The following SNTB1 variants were observed in gnomAD, a reference collection of about 807,000 sequenced individuals.
The protein encoded by SNTB1 is syntrophin beta 1.
Under a neutral mutation model 48.9 loss-of-function variants are expected in SNTB1, and 36 were observed. The ratio of observed to expected loss-of-function variants is 0.74; its 90% confidence interval spans 0.56 to 0.97. SNTB1 has a LOEUF of 0.97. Ranked by LOEUF, SNTB1 falls within the 50% of genes least tolerant of loss-of-function variation. SNTB1 has a pLI of 0.00. For synonymous variants in SNTB1, 299 were observed against 294.6 expected (o/e 1.01, Z -0.15); for missense variants, 786 against 703.4 (o/e 1.12, Z -1.33).
intron 4 of SNTB1, among the ~76,000 whole-genome samples, chr8:120,549,941 G>C (rs1197934527): frequency 6.6e-6 from 1 of 152,160 alleles, no homozygotes; most frequent in African/African-American, 2.4e-5. Flanking sequence ...AGAAATGCCA[G>C]GTGTCTAAGC....
At chr8:120,650,164 G>C (rs1410951420) in intron 2 of SNTB1, among the ~76,000 whole-genome samples, 1 of 152,226 alleles carries the variant, frequency 6.6e-6, no homozygotes, top group African/African-American at 2.4e-5. Context: ...GACCGGAGCT[G>C]TTCCTATTCG....
chr8:120,639,692 T>C (rs1817153367), intron 2 of SNTB1, among the ~76,000 whole-genome samples: 1 of 152,144 alleles, frequency 6.6e-6, no homozygotes, highest in African/African-American at 2.4e-5. Context: ...TGGTTGTAGA[T>C]GTGTGGTATT....
At chr8:120,737,913 T>C (rs900427249) in intron 1 of SNTB1, among the ~76,000 whole-genome samples, 3 of 152,140 alleles carry the variant, frequency 2.0e-5, no homozygotes, top group African/African-American at 7.2e-5. Context: ...TTTCCCAAAG[T>C]GAGAACTTTA....
chr8:120,538,774 G>T lies in SNTB1; in HGVS notation c.*103C>A. ...CTCTTGAGAGCTAAAGCTGACTGTA[G>T]CACGCTACATCTGGTGCGCTGCTCA... On this transcript the variant is annotated 3_prime_UTR_variant, in exon 7 of 7. Transcript: ENST00000517992. 1 of 956,870 alleles carries T rather than the reference G, an allele frequency of 1.0e-6. No individual in the cohort carries two copies. 59.3% of individuals were successfully genotyped at this position (956,870 alleles called of 1,614,324 possible).
intron 1 of SNTB1, among the ~76,000 whole-genome samples, chr8:120,717,864 C>T (rs1011966095): frequency 1.3e-5 from 2 of 152,116 alleles, no homozygotes; most frequent in Non-Finnish European, 2.9e-5. Context: ...AAAACAAAGC[C>T]CTCTTTCCTC....
At chr8:120,743,513 G>T (rs1005675210) in intron 1 of SNTB1, among the ~76,000 whole-genome samples, 1 of 152,186 alleles carries the variant, frequency 6.6e-6, no homozygotes, top group Non-Finnish European at 1.5e-5. Flanking sequence ...TGTGTTTAAA[G>T]GGTTGTGCCT....
At chr8:120,625,986 T>C (rs1455121483) in intron 3 of SNTB1, among the ~76,000 whole-genome samples, 2 of 152,168 alleles carry the variant, frequency 1.3e-5, no homozygotes, top group Non-Finnish European at 2.9e-5. Flanking sequence ...ATTCTGTTAA[T>C]TACACTGTCA....
intron 2 of SNTB1, among the ~76,000 whole-genome samples, chr8:120,689,605 A>C (rs998039619): frequency 6.6e-6 from 1 of 151,990 alleles, no homozygotes; most frequent in African/African-American, 2.4e-5. Flanking sequence ...CACACTCCAC[A>C]CTCTCTCTTT....
intron 3 of SNTB1, among the ~76,000 whole-genome samples, chr8:120,622,454 G>T (rs1816808888): frequency 6.6e-6 from 1 of 152,120 alleles, no homozygotes; most frequent in Non-Finnish European, 1.5e-5. Context: ...GTGTTCATTT[G>T]CATTGCATAG....
At chr8:120,622,374 C>T (rs1055988784) in intron 3 of SNTB1, among the ~76,000 whole-genome samples, 1 of 151,998 alleles carries the variant, frequency 6.6e-6, no homozygotes, top group African/African-American at 2.4e-5. Flanking sequence ...ACTTGCTAAA[C>T]CAGAAAATGA....
chr8:120,558,950 C>G (rs923232996), intron 4 of SNTB1, among the ~76,000 whole-genome samples: 1 of 152,104 alleles, frequency 6.6e-6, no homozygotes, highest in African/African-American at 2.4e-5. Context: ...ATAGCAGGCA[C>G]TCAGTATCTG....
intron 4 of SNTB1, among the ~76,000 whole-genome samples, chr8:120,555,960 G>A (rs1449993891): frequency 6.6e-6 from 1 of 152,176 alleles, no homozygotes; most frequent in Non-Finnish European, 1.5e-5. Flanking sequence ...CCGTGATCTT[G>A]GACTTCCAGC....
intron 1 of SNTB1, among the ~76,000 whole-genome samples, chr8:120,748,617 C>T: frequency 6.6e-6 from 1 of 152,068 alleles, no homozygotes; most frequent in Non-Finnish European, 1.5e-5. Flanking sequence ...GTAAGCCCTT[C>T]AATTTACTAT....
chr8:120,595,998 T>C (rs1386404034), intron 3 of SNTB1, among the ~76,000 whole-genome samples: 1 of 152,190 alleles, frequency 6.6e-6, no homozygotes, highest in Non-Finnish European at 1.5e-5. Context: ...TTGATCAATA[T>C]GTTGAGCTGC....
At chr8:120,655,619 G>A (rs1375149641) in intron 2 of SNTB1, among the ~76,000 whole-genome samples, 2 of 152,188 alleles carry the variant, frequency 1.3e-5, no homozygotes, top group Non-Finnish European at 2.9e-5. Flanking sequence ...CATCTAGCAG[G>A]ATGGTTATAA....
intron 2 of SNTB1, among the ~76,000 whole-genome samples, chr8:120,680,650 G>A (rs1026969919): frequency 6.6e-6 from 1 of 152,200 alleles, no homozygotes; most frequent in African/African-American, 2.4e-5. Context: ...GGTGATGCCT[G>A]CTTGAATAGA....
At chr8:120,752,242 G>A (rs1041416685) in intron 1 of SNTB1, among the ~76,000 whole-genome samples, 17 of 152,064 alleles carry the variant, frequency 1.1e-4, no homozygotes, top group African/African-American at 4.1e-4. Flanking sequence ...AAATGCTGAA[G>A]TTAGCACATT....
chr8:120,569,143 GCTAATTT>G (rs1465711050), intron 4 of SNTB1, among the ~76,000 whole-genome samples: 1 of 152,122 alleles, frequency 6.6e-6, no homozygotes, highest in Non-Finnish European at 1.5e-5. Flanking sequence ...ACCATGCCTG[GCTAATTT>G]TTGTATTTTT....
intron 1 of SNTB1, among the ~76,000 whole-genome samples, chr8:120,696,774 G>A (rs1015984361): frequency 2.6e-5 from 4 of 152,194 alleles, no homozygotes; most frequent in Admixed American, 1.3e-4. Flanking sequence ...TTTAGCTTAT[G>A]TAAAGTTATA....
Sources: gnomAD v4.1 joint callset for allele counts (sites outside exome capture counted in the v4.1 genomes callset) on GRCh38, gnomAD v4.1.1 for gene constraint, MANE v1.5 for transcripts, NCBI Gene and HGNC (gene_info 2026-07-23, HGNC 2026-07-21) for gene names.